The following COL25A1 variants were observed in gnomAD, a reference collection of about 807,000 sequenced individuals.
COL25A1 encodes collagen alpha-1(XXV) chain.
Under a neutral mutation model 128.4 loss-of-function variants are expected in COL25A1, and 103 were observed. The ratio of observed to expected loss-of-function variants is 0.80; its 90% confidence interval spans 0.68 to 0.94. The LOEUF is 0.94. Ranked by LOEUF, COL25A1 falls within the 40% of genes least tolerant of loss-of-function variation. COL25A1 has a pLI of 0.00. For missense variants in COL25A1, 745 were observed against 840.0 expected (o/e 0.89, Z 1.40); for synonymous variants, 279 against 277.2 (o/e 1.01, Z -0.06).
chr4:108,861,354 A>G (rs79062507), intron 22 of COL25A1, among the ~76,000 whole-genome samples: 2,620 of 152,264 alleles, frequency 0.017, 36 homozygotes, highest in Non-Finnish European at 0.027. Flanking sequence ...AAGAGCCAAC[A>G]ATTGTTTTTC....
chr4:109,294,238 G>A (rs531994051), intron 3 of COL25A1, among the ~76,000 whole-genome samples: 1 of 152,148 alleles, frequency 6.6e-6, no homozygotes, highest in African/African-American at 2.4e-5. Context: ...AAGGGGAGGT[G>A]CCTGCCATCT....
At chr4:109,015,544 G>A (rs1757134328) in intron 5 of COL25A1, among the ~76,000 whole-genome samples, 1 of 152,126 alleles carries the variant, frequency 6.6e-6, no homozygotes, top group Middle Eastern at 3.2e-3. Context: ...ACTGAAGTCA[G>A]GAAAATACAT....
intron 3 of COL25A1, among the ~76,000 whole-genome samples, chr4:109,116,232 A>G (rs1014214977): frequency 3.3e-5 from 5 of 152,052 alleles, no homozygotes; most frequent in African/African-American, 1.2e-4. Flanking sequence ...ACTGGAGAAA[A>G]AGACAGTGAA....
intron 23 of COL25A1, among the ~76,000 whole-genome samples, chr4:108,860,291 C>T (rs1737041131): frequency 6.6e-6 from 1 of 152,064 alleles, no homozygotes; most frequent in African/African-American, 2.4e-5. Context: ...AGAGTTTCAC[C>T]ATGTTGGGCA....
intron 3 of COL25A1, among the ~76,000 whole-genome samples, chr4:109,065,545 CGTGTGTGTGTGTGT>C (rs70949065): frequency 7.1e-6 from 1 of 141,130 alleles, no homozygotes; most frequent in African/African-American, 2.7e-5. Flanking sequence ...CGCGCGCGCG[CGTGTGTGTGTGTGT>C]GTGTGTGTGT....
At chr4:109,167,172 C>T (rs996922183) in intron 3 of COL25A1, among the ~76,000 whole-genome samples, 2 of 152,092 alleles carry the variant, frequency 1.3e-5, no homozygotes, top group East Asian at 1.9e-4. Context: ...TGTATAACAT[C>T]TTAAGTAGGT....
intron 31 of COL25A1, among the ~76,000 whole-genome samples, chr4:108,839,862 A>G (rs1734228640): frequency 6.6e-6 from 1 of 152,214 alleles, no homozygotes; most frequent in Admixed American, 6.5e-5. Flanking sequence ...TGGTGATGGC[A>G]TATCTGAATC....
intron 3 of COL25A1, among the ~76,000 whole-genome samples, chr4:109,103,074 A>G (rs1483368011): frequency 6.6e-6 from 1 of 152,130 alleles, no homozygotes; most frequent in Non-Finnish European, 1.5e-5. Context: ...TAACACAGAA[A>G]CCTTTAATTA....
intron 3 of COL25A1, among the ~76,000 whole-genome samples, chr4:109,183,761 G>A (rs13142006): frequency 0.66 from 100,322 of 151,872 alleles, 33,407 homozygotes; most frequent in East Asian, 0.75. Context: ...ACGTATGCCC[G>A]TATGTGCATT....
chr4:109,126,277 TA>T (rs932934128), intron 3 of COL25A1, among the ~76,000 whole-genome samples: 1 of 152,184 alleles, frequency 6.6e-6, no homozygotes, highest in Non-Finnish European at 1.5e-5. Context: ...ATTATTAACT[TA>T]CTTTATTTTG....
intron 3 of COL25A1, among the ~76,000 whole-genome samples, chr4:109,070,233 G>A (rs539076454): frequency 1.3e-5 from 2 of 151,354 alleles, no homozygotes; most frequent in South Asian, 4.2e-4. Flanking sequence ...GGGAGACAGA[G>A]CGAGACTCTG....
chr4:109,140,443 A>C (rs1409549789), intron 3 of COL25A1, among the ~76,000 whole-genome samples: 1 of 152,164 alleles, frequency 6.6e-6, no homozygotes, highest in Non-Finnish European at 1.5e-5. Context: ...TGAAATTTAA[A>C]GTAGTTTTTT....
chr4:108,925,692 T>C (rs2125907347), intron 11 of COL25A1, among the ~76,000 whole-genome samples: 1 of 152,318 alleles, frequency 6.6e-6, no homozygotes. Flanking sequence ...CTTTAGACAA[T>C]AGTGTCTCAA....
chr4:109,046,724 G>A (rs995512469), intron 5 of COL25A1, among the ~76,000 whole-genome samples: 5 of 152,172 alleles, frequency 3.3e-5, no homozygotes, highest in Non-Finnish European at 7.3e-5. Context: ...GATATTTGGA[G>A]GCCAACGTTT....
chr4:108,827,333 T>C, intron 32 of COL25A1, 145 bp from the exon 33 acceptor site: 1 of 708,096 alleles, frequency 1.4e-6, no homozygotes, highest in Non-Finnish European at 2.5e-6. Flanking sequence ...TCACTGCCAG[T>C]GATATTTGGA....
intron 11 of COL25A1, among the ~76,000 whole-genome samples, chr4:108,932,819 T>A (rs957193438): frequency 5.9e-5 from 9 of 152,234 alleles, no homozygotes; most frequent in African/African-American, 1.9e-4. Context: ...TCTGAAGAAC[T>A]GAAAGATAAA....
chr4:108,887,683 C>T (rs1314983655), intron 18 of COL25A1, among the ~76,000 whole-genome samples: 1 of 152,128 alleles, frequency 6.6e-6, no homozygotes, highest in Non-Finnish European at 1.5e-5. Context: ...TATAAACTTC[C>T]AGAATGAATC....
intron 3 of COL25A1, among the ~76,000 whole-genome samples, chr4:109,134,291 A>G (rs951836015): frequency 6.6e-6 from 1 of 151,922 alleles, no homozygotes; most frequent in Admixed American, 6.6e-5. Flanking sequence ...GCAACTATGT[A>G]GAAGATAGAT....
rs1736519770 is a variant in COL25A1, at chr4:108,856,478, C to T, written c.1320+3178G>A. Among the ~76,000 whole-genome samples the T allele has an allele frequency of 1.3e-5, 2 of 152,064 alleles. 1 individual carries two copies. Among genetic ancestry groups the T allele is most frequent in the South Asian group, 4.1e-4 (2 of 4,828 alleles). ...GACATACCTGCAAAACTGTAAATAT[C>T]CATCACTGGTTAGAGAATTAGAAGA... On this transcript the variant is annotated intron_variant, in intron 24 of 37. Transcript: ENST00000399132.
Sources: allele counts gnomAD v4.1 joint callset (sites outside exome capture counted in the v4.1 genomes callset), GRCh38; gene constraint gnomAD v4.1.1; transcripts MANE v1.5; gene names NCBI Gene and HGNC (gene_info 2026-07-23, HGNC 2026-07-21).